SYN1: variants seen among roughly 807,000 people sequenced by gnomAD.
SYN1 encodes the protein synapsin-1.
Under a neutral mutation model 44.6 loss-of-function variants are expected in SYN1, and 8 were observed. The observed-to-expected ratio is 0.18, with a 90% CI of 0.11 to 0.32. The LOEUF (loss-of-function observed/expected upper bound fraction) is 0.32. Ranked by LOEUF, SYN1 falls within the 10% of genes least tolerant of loss-of-function variation. SYN1 has a pLI of 1.00. For missense variants in SYN1, 451 were observed against 639.4 expected, an observed-to-expected ratio of 0.71 and a Z score of 3.18; for synonymous variants, 275 against 280.1, an observed-to-expected ratio of 0.98 and a Z score of 0.18.
intron 5 of SYN1, among the ~76,000 whole-genome samples, chrX:47,597,498 A>AAAAGTAAG (rs2057867270): frequency 1.8e-5 from 2 of 110,853 alleles, no homozygotes; most frequent in Non-Finnish European, 3.8e-5. Context: ...CAGGAAGAAG[A>AAAAGTAAG]AAAGTAAACA....
At chrX:47,576,061 C>T (rs2057776534) in intron 9 of SYN1, 70 bp downstream of exon 9, 5 of 1,047,927 alleles carry the variant, frequency 4.8e-6, no homozygotes, top group African/African-American at 3.7e-5. Flanking sequence ...CCATGGAGTG[C>T]TTCAGTTTGC....
chrX:47,578,997 G>C (rs1331426770), intron 5 of SYN1, among the ~76,000 whole-genome samples: 1 of 112,044 alleles, frequency 8.9e-6, no homozygotes, highest in African/African-American at 3.3e-5. Context: ...TGCCGAGGCG[G>C]ATGCATACAG....
In SYN1 at chrX:47,589,366, G is replaced by A. The variant is rs188853881; in HGVS notation, c.775-11865C>T. ...CCCAGCAATTTGGGAGGCCAAGGTG[G>A]GCAGATCACGAGGTCAGGAGATCGA... is the stretch of plus-strand genomic sequence containing the variant. On this transcript the variant is annotated intron_variant, in intron 5 of 12. Coordinates refer to ENST00000295987, the MANE Select transcript of SYN1 (RefSeq NM_006950.3). Among the ~76,000 whole-genome samples, 9 of 108,228 alleles carry A rather than the reference G, an allele frequency of 8.3e-5. No homozygotes were observed. In the East Asian group the frequency reaches 1.7e-3, roughly 21 times the overall value. The allele number at this position is 108,228 out of a possible 115,157, so 94.0% of individuals were successfully genotyped here.
intron 9 of SYN1, 136 bp from the exon 10 acceptor site, chrX:47,575,410 G>A: frequency 1.2e-6 from 1 of 818,282 alleles, no homozygotes; most frequent in Non-Finnish European, 1.7e-6. Context: ...TGCACGGTGA[G>A]GAAGGCTTGT....
At chrX:47,583,859 TCTC>T (rs1304357168) in intron 5 of SYN1, among the ~76,000 whole-genome samples, 1 of 111,684 alleles carries the variant, frequency 9.0e-6, no homozygotes, top group African/African-American at 3.3e-5. Context: ...GTACTCCTGA[TCTC>T]CTGTTAAACA....
chrX:47,587,812 G>A (rs1365122837), intron 5 of SYN1, among the ~76,000 whole-genome samples: 1 of 111,575 alleles, frequency 9.0e-6, no homozygotes, highest in African/African-American at 3.3e-5. Context: ...TGAGGCCCTT[G>A]GGAACTAGAA....
rs1004098249 is a variant in SYN1, at chrX:47,575,677, G to A, written c.1159-403C>T. Among the ~76,000 whole-genome samples, 6 of 112,320 alleles carry A rather than the reference G, an allele frequency of 5.3e-5. No individual in the cohort carries two copies. In the Admixed American group the frequency reaches 5.6e-4, roughly 11 times the overall value. Reference sequence around the variant, plus strand: ...CTTATTTTTTTAACATATCGTCTATGGCTGCTTTTGCAGAGTTGAGTAGTT... The same window carrying A: ...CTTATTTTTTTAACATATCGTCTATAGCTGCTTTTGCAGAGTTGAGTAGTT... On this transcript the variant is annotated intron_variant, in intron 9 of 12. Coordinates refer to ENST00000295987, the MANE Select transcript of SYN1 (RefSeq NM_006950.3).
chrX:47,574,334 G>A lies in SYN1; in HGVS notation c.1650C>T (p.Ala550=), dbSNP rs1411122083. 9.6e-7 allele frequency: 1 copy of A among 1,044,737 alleles called. No individual in the cohort carries two copies. Among genetic ancestry groups the A allele is most frequent in the Non-Finnish European group, 1.2e-6 (1 of 819,976 alleles). The allele number at this position is 1,044,737 out of a possible 1,213,427, so 86.1% of individuals were successfully genotyped here. Residue 550 remains alanine (A), a synonymous_variant, in exon 12 of 13, where the codon GCC becomes GCT. Transcript: ENST00000295987. ...CCGCCTGGCGCTGGGGAGACGGAGA[G>A]GCGGGCGGGCGGGCTGCTGGAGGCG... ...PGAPPAARPP[A]SPSPQRQAGP...
chrX:47,588,765 A>G (rs974629726), intron 5 of SYN1, among the ~76,000 whole-genome samples: 10 of 111,818 alleles, frequency 8.9e-5, no homozygotes, highest in Non-Finnish European at 1.3e-4. Context: ...AATCTCTGGG[A>G]GAGACTCTGT....
chrX:47,609,118 G>A (rs1320609005), intron 1 of SYN1, among the ~76,000 whole-genome samples: 1 of 110,723 alleles, frequency 9.0e-6, no homozygotes, highest in African/African-American at 3.3e-5. Flanking sequence ...ATAAACTGAT[G>A]AGTGGGGATG....
chrX:47,572,772 T>C lies in SYN1; in HGVS notation c.*92A>G. 8.6e-7 allele frequency: 1 copy of C among 1,164,621 alleles called. No homozygotes were observed. The highest frequency in any genetic ancestry group is 1.2e-6 in the Non-Finnish European group (1 of 855,452). On this transcript the variant is annotated 3_prime_UTR_variant, in exon 13 of 13. Transcript: ENST00000295987. ...AATCTTGGAGAACCGGGAGATGGGT[T>C]CTCAAGGGATTTGGAGACTCCAAAA... is the stretch of plus-strand genomic sequence containing the variant.
At chrX:47,614,185 A>G (rs768803678) in intron 1 of SYN1, among the ~76,000 whole-genome samples, 6 of 112,146 alleles carry the variant, frequency 5.4e-5, no homozygotes, top group Admixed American at 2.8e-4. Flanking sequence ...CTTGCTCCTC[A>G]GGAGGAGGTA....
chrX:47,604,708 A>G (rs2057890972), intron 5 of SYN1: 1 of 371,345 alleles, frequency 2.7e-6, no homozygotes, highest in Non-Finnish European at 4.7e-6. Context: ...TAATTCTGTC[A>G]ATTCACATTA....
At chrX:47,584,133 G>A (rs1171853466) in intron 5 of SYN1, among the ~76,000 whole-genome samples, 1 of 111,591 alleles carries the variant, frequency 9.0e-6, no homozygotes, top group Non-Finnish European at 1.9e-5. Context: ...GCTGAAGGCA[G>A]GCCAAGGGGA....
At chrX:47,603,890 T>TTTTATATATA (rs1292854071) in intron 5 of SYN1, among the ~76,000 whole-genome samples, 3 of 88,219 alleles carry the variant, frequency 3.4e-5, no homozygotes, top group African/African-American at 1.3e-4. Flanking sequence ...ATATTAGTGA[T>TTTTATATATA]TATATATATA....
At chrX:47,613,845 C>T (rs2057923777) in intron 1 of SYN1, among the ~76,000 whole-genome samples, 2 of 111,865 alleles carry the variant, frequency 1.8e-5, no homozygotes, top group Non-Finnish European at 3.8e-5. Flanking sequence ...GGGCACCATC[C>T]TCCAAAACAG....
intron 1 of SYN1, among the ~76,000 whole-genome samples, chrX:47,612,229 C>T (rs1025559041): frequency 3.6e-5 from 4 of 111,043 alleles, no homozygotes; most frequent in Non-Finnish European, 7.5e-5. Flanking sequence ...GAATTTTACG[C>T]CTTTTGAGAA....
In SYN1 at chrX:47,602,165, C is replaced by T. The variant is rs144853944; in HGVS notation, c.774+2813G>A. Among the ~76,000 whole-genome samples, 291 of 111,948 alleles carry T rather than the reference C, an allele frequency of 2.6e-3. 1 individual carries two copies. The highest frequency in any genetic ancestry group is 4.7e-3 in the Non-Finnish European group (251 of 53,245). On this transcript the variant is annotated intron_variant, in intron 5 of 12. Coordinates refer to ENST00000295987, the MANE Select transcript of SYN1 (RefSeq NM_006950.3). ...CTATATGAGGCGGGAACTATTATTA[C>T]CTACATTTTGCAGATGAATAAACTG...
At chrX:47,582,933 C>T (rs1325201513) in intron 5 of SYN1, among the ~76,000 whole-genome samples, 2 of 85,958 alleles carry the variant, frequency 2.3e-5, no homozygotes, top group African/African-American at 8.8e-5. Flanking sequence ...CCCCTTCAAC[C>T]TCCAAACTCC....
Sources: allele counts gnomAD v4.1 joint callset (sites outside exome capture counted in the v4.1 genomes callset), GRCh38; gene constraint gnomAD v4.1.1; transcripts MANE v1.5; gene names NCBI Gene and HGNC (gene_info 2026-07-23, HGNC 2026-07-21).